LHX8: variants seen among roughly 807,000 people sequenced by gnomAD.
The protein encoded by LHX8 is LIM/homeobox protein Lhx8.
In LHX8, 12 loss-of-function variants were observed where a neutral mutation model predicts 40.3. That is an observed-to-expected ratio of 0.30 (90% CI 0.19 to 0.48). LHX8 has a LOEUF of 0.48. LHX8 is among the 20% of genes least tolerant of loss of function. LHX8 has a pLI of 0.99. For synonymous variants in LHX8, 179 were observed against 162.0 expected (o/e 1.10, Z -0.80); for missense variants, 344 against 433.7 (o/e 0.79, Z 1.84).
the LHX8 span, among the ~76,000 whole-genome samples, chr1:75,172,380 G>A: frequency 6.6e-6 from 1 of 152,178 alleles, no homozygotes; most frequent in African/African-American, 2.4e-5. Flanking sequence ...TTTGATTGTA[G>A]CCACTGTTGA....
At chr1:75,154,391 GT>G (rs11354379) in intron 7 of LHX8, among the ~76,000 whole-genome samples, 48,515 of 143,008 alleles carry the variant, frequency 0.34, 8,299 homozygotes, top group Middle Eastern at 0.48. Context: ...AAGTTTGAGT[GT>G]TTTTTTTTTT....
intron 6 of LHX8, among the ~76,000 whole-genome samples, chr1:75,148,170 C>T (rs1648512381): frequency 6.6e-6 from 1 of 151,990 alleles, no homozygotes; most frequent in Non-Finnish European, 1.5e-5. Flanking sequence ...GTATTAGGGG[C>T]CTTGAACATC....
chr1:75,149,378 G>GA (rs772533111), intron 7 of LHX8, among the ~76,000 whole-genome samples: 28 of 152,350 alleles, frequency 1.8e-4, no homozygotes, highest in East Asian at 9.6e-4. Context: ...ATTTTAGGAA[G>GA]AAAGGGCTAG....
the LHX8 span, among the ~76,000 whole-genome samples, chr1:75,194,768 A>T: frequency 6.6e-6 from 1 of 152,208 alleles, no homozygotes. Flanking sequence ...AAGTGTTGAC[A>T]TGGCATCCTT....
At chr1:75,194,506 A>T in the LHX8 span, among the ~76,000 whole-genome samples, 1 of 152,216 alleles carries the variant, frequency 6.6e-6, no homozygotes, top group African/African-American at 2.4e-5. Context: ...ATGTGCTTTC[A>T]CTGTAATTCC....
chr1:75,144,106 T>C (rs1208405438), intron 6 of LHX8, 158 bp downstream of exon 6: 2 of 662,074 alleles, frequency 3.0e-6, no homozygotes, highest in East Asian at 2.8e-5. Flanking sequence ...AACATACTTA[T>C]TGCCCTAAAG....
At chr1:75,139,940 G>A (rs1200771952) in intron 3 of LHX8, among the ~76,000 whole-genome samples, 1 of 152,114 alleles carries the variant, frequency 6.6e-6, no homozygotes, top group East Asian at 1.9e-4. Context: ...TTTAGTCATT[G>A]GATCCATTTT....
At chr1:75,159,942 T>C (rs886438101) in intron 8 of LHX8, 4 of 152,196 alleles carry the variant, frequency 2.6e-5, no homozygotes, top group African/African-American at 7.2e-5. Context: ...AATGAATCCC[T>C]GTTTTGTTTT....
chr1:75,129,827 A>G (rs1647918266), upstream of LHX8: 1 of 152,106 alleles, frequency 6.6e-6, no homozygotes, highest in South Asian at 2.1e-4. Context: ...TGATCAGCGA[A>G]CTCCAGGCTA....
At chr1:75,147,343 G>A (rs955369925) in intron 6 of LHX8, among the ~76,000 whole-genome samples, 8 of 152,064 alleles carry the variant, frequency 5.3e-5, no homozygotes, top group African/African-American at 1.7e-4. Flanking sequence ...ACATTGCCAA[G>A]TTTTACTCTG....
chr1:75,185,793 A>G, the LHX8 span, among the ~76,000 whole-genome samples: 1 of 152,142 alleles, frequency 6.6e-6, no homozygotes, highest in East Asian at 1.9e-4. Context: ...TATCTCGAAA[A>G]CCCAAGAGTC....
chr1:75,156,932 G>A lies in LHX8; in HGVS notation c.820G>A (p.Val274Ile), dbSNP rs756685357. Reference sequence around the variant, plus strand: ...TTGTAGAGCACGCCACAAGAAACACGTCAGTCCTAATCACTCATCCTCCAC... The same window carrying A: ...TTGTAGAGCACGCCACAAGAAACACATCAGTCCTAATCACTCATCCTCCAC... ...QNCRARHKKH[V>I]SPNHSSSTPV... is the part of the protein sequence containing the mutation. The change falls in exon 8 of 9, where the codon GTC becomes ATC. Residue 274 changes from valine to isoleucine, a missense_variant. Val to Ile is a conservative substitution (Grantham distance 29). Around this residue, in one of 3 missense-constraint regions of LHX8, gnomAD observed 89 missense variants for 92.8 expected, o/e 0.96. Coordinates refer to ENST00000356261, the MANE Select transcript of LHX8 (RefSeq NM_001256114.2). The A allele has an allele frequency of 2.7e-5, 44 of 1,614,022 alleles. 1 individual carries two copies. In the Admixed American group the frequency reaches 4.2e-4, roughly 15 times the overall value.
At chr1:75,141,825 C>T (rs901155522) in intron 4 of LHX8, among the ~76,000 whole-genome samples, 26 of 152,010 alleles carry the variant, frequency 1.7e-4, no homozygotes, top group Non-Finnish European at 3.1e-4. Context: ...TCTTTATTTA[C>T]TTTTCTAAAT....
intron 8 of LHX8, among the ~76,000 whole-genome samples, chr1:75,157,448 T>G (rs1441911477): frequency 2.0e-5 from 3 of 152,224 alleles, no homozygotes; most frequent in African/African-American, 7.2e-5. Context: ...TAAAGAGTTG[T>G]TTTTTATAGA....
chr1:75,160,687 G>A (rs1640060588), intron 8 of LHX8, 132 bp from the exon 9 acceptor site: 1 of 727,364 alleles, frequency 1.4e-6, no homozygotes, highest in Non-Finnish European at 2.5e-6. Context: ...TGAGGTCAGT[G>A]GAATGAGTGT....
At chr1:75,169,174 C>T in the LHX8 span, among the ~76,000 whole-genome samples, 1 of 152,142 alleles carries the variant, frequency 6.6e-6, no homozygotes, top group African/African-American at 2.4e-5. Flanking sequence ...CCCTACTCCC[C>T]TACTCATTCA....
chr1:75,169,619 C>T, the LHX8 span, among the ~76,000 whole-genome samples: 1 of 152,146 alleles, frequency 6.6e-6, no homozygotes, highest in Non-Finnish European at 1.5e-5. Context: ...TGAAGTTCAG[C>T]TCAAGCCCTT....
At chr1:75,167,432 A>G in the LHX8 span, among the ~76,000 whole-genome samples, 11 of 151,978 alleles carry the variant, frequency 7.2e-5, no homozygotes, top group Non-Finnish European at 1.5e-4. Context: ...ACACCAGAGG[A>G]AAAAAAATGC....
chr1:75,143,043 C>G lies in LHX8; in HGVS notation c.360-75C>G. The G allele has an allele frequency of 4.5e-6, 5 of 1,107,110 alleles. No homozygotes were observed. In the South Asian group the frequency reaches 6.2e-5, roughly 14 times the overall value. The allele number at this position is 1,107,110 out of a possible 1,614,324, so 68.6% of individuals were successfully genotyped here. A position where few individuals can be genotyped will look rare whatever the true frequency, so the allele number is the denominator to read the frequency against. On this transcript the variant is annotated intron_variant, in intron 4 of 8. Transcript: ENST00000356261. ...TATTTCAATGGGGTAAGATAATGTGCTGGTTTAATATTCGACTGATGAATA... is the reference window on the plus strand; with the variant it reads ...TATTTCAATGGGGTAAGATAATGTGGTGGTTTAATATTCGACTGATGAATA...
Sources: gnomAD v4.1 joint callset for allele counts (sites outside exome capture counted in the v4.1 genomes callset) on GRCh38, gnomAD v4.1.1 for gene constraint, gnomAD v4.1.1 regional missense constraint, MANE v1.5 for transcripts, NCBI Gene and HGNC (gene_info 2026-07-23, HGNC 2026-07-21) for gene names.